SWAP70: variants seen among roughly 807,000 people sequenced by gnomAD.
SWAP70 encodes the protein switch-associated protein 70.
SWAP70 carries 34 observed loss-of-function variants against 80.2 expected under a neutral mutation model. The ratio of observed to expected loss-of-function variants is 0.42; its 90% CI spans 0.32 to 0.56. The LOEUF (loss-of-function observed/expected upper bound fraction) is 0.56, where lower values mean the gene tolerates loss of function less well. Among genes scored for constraint, SWAP70 ranks in the 20% least tolerant of loss-of-function variants. SWAP70 has a pLI of 0.09. For missense variants in SWAP70, 578 were observed against 690.7 expected, an observed-to-expected ratio of 0.84 and a Z score of 1.83; for synonymous variants, 239 against 238.5, an observed-to-expected ratio of 1.00 and a Z score of -0.02.
At chr11:9,703,318 A>G (rs1850856967) in intron 2 of SWAP70, 2 of 455,678 alleles carry the variant, frequency 4.4e-6, no homozygotes, top group East Asian at 6.9e-5. Flanking sequence ...TTTTATTTAC[A>G]TATTCAGTTC....
At chr11:9,666,469 C>T (rs1850308549) in intron 1 of SWAP70, among the ~76,000 whole-genome samples, 2 of 152,014 alleles carry the variant, frequency 1.3e-5, no homozygotes, top group South Asian at 4.2e-4. Flanking sequence ...GAATATCCAT[C>T]CCTAACTTTT....
intron 2 of SWAP70, among the ~76,000 whole-genome samples, chr11:9,705,182 T>A (rs1850886504): frequency 8.6e-6 from 1 of 116,292 alleles, no homozygotes; most frequent in South Asian, 2.5e-4. Flanking sequence ...TACTTGGTGA[T>A]CTGTATACAC....
At chr11:9,738,431 C>T in intron 8 of SWAP70, 111 bp downstream of exon 8, 1 of 668,566 alleles carries the variant, frequency 1.5e-6, no homozygotes, top group South Asian at 2.7e-5. Context: ...GGCTTTGCTA[C>T]TGACCTGGAA....
intron 2 of SWAP70, among the ~76,000 whole-genome samples, chr11:9,711,702 C>T (rs145653869): frequency 4.9e-4 from 74 of 152,254 alleles, no homozygotes; most frequent in Admixed American, 1.8e-3. Flanking sequence ...AGACTGTTCC[C>T]GTGAGTGGTT....
intron 9 of SWAP70, among the ~76,000 whole-genome samples, chr11:9,743,095 T>C (rs1851464020): frequency 7.5e-6 from 1 of 133,088 alleles, no homozygotes; most frequent in Non-Finnish European, 1.6e-5. Flanking sequence ...TTCCCCTTCC[T>C]GTGTCCAAGT....
At chr11:9,733,439 C>G (rs1224466350) in intron 7 of SWAP70, among the ~76,000 whole-genome samples, 1 of 152,196 alleles carries the variant, frequency 6.6e-6, no homozygotes, top group Non-Finnish European at 1.5e-5. Context: ...TAATCTGTGA[C>G]TCTACATACC....
intron 1 of SWAP70, among the ~76,000 whole-genome samples, chr11:9,683,878 A>G (rs923109096): frequency 6.6e-6 from 1 of 152,166 alleles, no homozygotes; most frequent in Non-Finnish European, 1.5e-5. Context: ...CTCAGAATCC[A>G]TTTAGAAAAG....
chr11:9,737,331 A>G (rs1370462598), intron 7 of SWAP70, among the ~76,000 whole-genome samples: 1 of 152,194 alleles, frequency 6.6e-6, no homozygotes, highest in African/African-American at 2.4e-5. Context: ...GGAGTGCATC[A>G]TATGCCACAG....
At chr11:9,702,654 C>G (rs1850848023) in intron 2 of SWAP70, among the ~76,000 whole-genome samples, 1 of 152,052 alleles carries the variant, frequency 6.6e-6, no homozygotes, top group Non-Finnish European at 1.5e-5. Flanking sequence ...CTCCTGAGCT[C>G]AAGTGATCCT....
chr11:9,749,005 A>AC, intron 10 of SWAP70, 82 bp from the exon 11 acceptor site: 1 of 740,788 alleles, frequency 1.3e-6, no homozygotes, highest in Non-Finnish European at 2.2e-6. Context: ...ATTCACAAAT[A>AC]CATAGTAAGG....
intron 3 of SWAP70, among the ~76,000 whole-genome samples, chr11:9,721,650 T>G (rs927785348): frequency 2.0e-5 from 3 of 152,000 alleles, no homozygotes; most frequent in African/African-American, 7.3e-5. Context: ...TTTTTAATTT[T>G]TCTGTAAAGA....
chr11:9,699,569 C>T (rs1033501137), intron 2 of SWAP70, among the ~76,000 whole-genome samples: 2 of 151,890 alleles, frequency 1.3e-5, no homozygotes, highest in Non-Finnish European at 2.9e-5. Context: ...TAATGATAGA[C>T]ACTGGTTGGG....
intron 2 of SWAP70, among the ~76,000 whole-genome samples, chr11:9,706,305 TG>T (rs1850913050): frequency 7.1e-6 from 1 of 140,722 alleles, no homozygotes; most frequent in African/African-American, 2.8e-5. Flanking sequence ...CTGTATACAC[TG>T]GTGATCTGTA....
chr11:9,726,973 G>A (rs1454047327), intron 4 of SWAP70: 1 of 456,272 alleles, frequency 2.2e-6, no homozygotes, highest in Non-Finnish European at 4.4e-6. Flanking sequence ...GGTACCAGAG[G>A]TGGAAGTCCT....
At chr11:9,695,714 G>A (rs971546368) in intron 2 of SWAP70, among the ~76,000 whole-genome samples, 1 of 151,986 alleles carries the variant, frequency 6.6e-6, no homozygotes. Flanking sequence ...AAACCTGCAC[G>A]TGCTGCACAG....
At chr11:9,682,709 G>C (rs1836639) in intron 1 of SWAP70, among the ~76,000 whole-genome samples, 136,254 of 152,192 alleles carry the variant, frequency 0.9, 62,293 homozygotes, top group Non-Finnish European at 0.99. Flanking sequence ...CAGGGTCTTC[G>C]TCTGTTGCCC....
intron 6 of SWAP70, among the ~76,000 whole-genome samples, chr11:9,730,604 G>A (rs902253377): frequency 6.6e-6 from 1 of 152,060 alleles, no homozygotes; most frequent in African/African-American, 2.4e-5. Flanking sequence ...TAAGGACTGT[G>A]AAGAATTTTA....
At chr11:9,667,171 T>A (rs1850317817) in intron 1 of SWAP70, among the ~76,000 whole-genome samples, 1 of 152,008 alleles carries the variant, frequency 6.6e-6, no homozygotes, top group South Asian at 2.1e-4. Flanking sequence ...ATATGTTTAG[T>A]GATTTGTCCA....
chr11:9,725,951 A>G (rs922773072), intron 4 of SWAP70, among the ~76,000 whole-genome samples: 52 of 152,184 alleles, frequency 3.4e-4, no homozygotes, highest in African/African-American at 1.2e-3. Flanking sequence ...GTGAAAAAAA[A>G]CCACATTGCT....
Sources: allele counts gnomAD v4.1 joint callset (sites outside exome capture counted in the v4.1 genomes callset), GRCh38; gene constraint gnomAD v4.1.1; transcripts MANE v1.5; gene names NCBI Gene and HGNC (gene_info 2026-07-23, HGNC 2026-07-21).